The following AKAP7 variants were observed in gnomAD, a reference collection of about 807,000 sequenced individuals.
AKAP7 encodes A-kinase anchoring protein 7.
AKAP7 carries 39 observed loss-of-function variants against 39.5 expected under a neutral mutation model. That is an observed-to-expected ratio of 0.99 (90% CI 0.76 to 1.29). The LOEUF (loss-of-function observed/expected upper bound fraction) is 1.29. Among genes scored for constraint, AKAP7 ranks in the 50% most tolerant of loss-of-function variants. The pLI is 0.00. For synonymous variants in AKAP7, 140 were observed against 139.1 expected, an observed-to-expected ratio of 1.01 and a Z score of -0.05; for missense variants, 414 against 407.7, an observed-to-expected ratio of 1.02 and a Z score of -0.13.
intron 7 of AKAP7, among the ~76,000 whole-genome samples, chr6:131,276,028 C>G (rs1038351200): frequency 6.6e-6 from 1 of 152,090 alleles, no homozygotes; most frequent in Non-Finnish European, 1.5e-5. Context: ...CCTACCATCC[C>G]CAGTGTAAAA....
intron 3 of AKAP7, among the ~76,000 whole-genome samples, chr6:131,163,585 T>A (rs1803195368): frequency 6.6e-6 from 1 of 152,192 alleles, no homozygotes; most frequent in Admixed American, 6.5e-5. Flanking sequence ...AGAATTCCAC[T>A]GGTCTTTGAT....
intron 2 of AKAP7, among the ~76,000 whole-genome samples, chr6:131,152,138 T>C (rs1350199674): frequency 1.3e-5 from 2 of 152,358 alleles, no homozygotes; most frequent in East Asian, 3.9e-4. Context: ...GAAATCATTA[T>C]GAAAATTAAC....
At chr6:131,256,000 C>T (rs574275700) in intron 7 of AKAP7, among the ~76,000 whole-genome samples, 3 of 152,280 alleles carry the variant, frequency 2.0e-5, no homozygotes, top group South Asian at 2.1e-4. Flanking sequence ...AATAGATGCT[C>T]CCTGTCTCAT....
chr6:131,228,199 G>A (rs1810341160), intron 7 of AKAP7, among the ~76,000 whole-genome samples: 2 of 152,116 alleles, frequency 1.3e-5, no homozygotes, highest in African/African-American at 4.8e-5. Flanking sequence ...AGGCGTAGGA[G>A]GAGAAGGAAA....
At chr6:131,171,314 G>C (rs1298838732) in intron 5 of AKAP7, among the ~76,000 whole-genome samples, 1 of 152,196 alleles carries the variant, frequency 6.6e-6, no homozygotes, top group African/African-American at 2.4e-5. Flanking sequence ...GGAAGGAGAA[G>C]GGGGCGGATT....
chr6:131,278,368 A>G (rs1010308740), intron 7 of AKAP7, among the ~76,000 whole-genome samples: 7 of 152,246 alleles, frequency 4.6e-5, no homozygotes, highest in African/African-American at 1.2e-4. Flanking sequence ...GATCCTCAGT[A>G]CACAATTGTT....
intron 5 of AKAP7, among the ~76,000 whole-genome samples, chr6:131,172,194 C>G (rs1804126071): frequency 6.6e-6 from 1 of 152,012 alleles, no homozygotes; most frequent in South Asian, 2.1e-4. Context: ...ATACAAAAAC[C>G]TATAAATAAT....
At chr6:131,154,889 A>G (rs977013265) in intron 2 of AKAP7, among the ~76,000 whole-genome samples, 1 of 152,116 alleles carries the variant, frequency 6.6e-6, no homozygotes, top group African/African-American at 2.4e-5. Flanking sequence ...TTGTTGAAGA[A>G]ATCAGGTTGT....
intron 5 of AKAP7, among the ~76,000 whole-genome samples, chr6:131,176,469 C>T (rs1804592220): frequency 1.3e-5 from 2 of 151,922 alleles, no homozygotes. Context: ...TTCATTTTTT[C>T]AGCCATATAT....
intron 5 of AKAP7, among the ~76,000 whole-genome samples, chr6:131,194,149 C>CTT (rs147384879): frequency 6.6e-6 from 1 of 151,394 alleles, no homozygotes; most frequent in East Asian, 1.9e-4. Context: ...AAAAGTTTTG[C>CTT]TTTTTTTTGA....
intron 5 of AKAP7, among the ~76,000 whole-genome samples, chr6:131,195,127 C>CT (rs957866664): frequency 5.9e-5 from 9 of 151,366 alleles, no homozygotes; most frequent in African/African-American, 1.9e-4. Flanking sequence ...TTCTTCTTGC[C>CT]TTTTTTTTAG....
chr6:131,155,932 C>T (rs576689561), intron 2 of AKAP7, among the ~76,000 whole-genome samples: 1 of 152,258 alleles, frequency 6.6e-6, no homozygotes, highest in South Asian at 2.1e-4. Context: ...ATGCTCCAGA[C>T]CTGGAATCAG....
intron 7 of AKAP7, among the ~76,000 whole-genome samples, chr6:131,276,014 C>T (rs547731195): frequency 1.1e-3 from 162 of 152,250 alleles, no homozygotes; most frequent in Admixed American, 5.3e-3. Flanking sequence ...AGCTGCATTC[C>T]ACCCCTACCA....
chr6:131,128,682 C>T, the AKAP7 span, among the ~76,000 whole-genome samples: 12 of 151,928 alleles, frequency 7.9e-5, no homozygotes, highest in South Asian at 6.2e-4. Context: ...ATTAGCCAGG[C>T]GTGGTGGCGT....
chr6:131,188,751 C>CAA (rs1806120743), intron 5 of AKAP7, among the ~76,000 whole-genome samples: 1 of 149,662 alleles, frequency 6.7e-6, no homozygotes, highest in Non-Finnish European at 1.5e-5. Flanking sequence ...CAGGGTTTCA[C>CAA]CATGTTGCCC....
chr6:131,168,693 C>T (rs1041537715), intron 4 of AKAP7, among the ~76,000 whole-genome samples: 1 of 152,126 alleles, frequency 6.6e-6, no homozygotes, highest in Non-Finnish European at 1.5e-5. Context: ...GAGTGCCTCA[C>T]AAATATATGT....
chr6:131,189,714 T>G (rs577243685), intron 5 of AKAP7, among the ~76,000 whole-genome samples: 23 of 152,214 alleles, frequency 1.5e-4, no homozygotes, highest in Non-Finnish European at 2.9e-4. Context: ...AAATGTGTTG[T>G]TTCTCTATTA....
At chr6:131,204,527 A>G (rs1807907761) in intron 6 of AKAP7, among the ~76,000 whole-genome samples, 1 of 152,240 alleles carries the variant, frequency 6.6e-6, no homozygotes, top group Non-Finnish European at 1.5e-5. Context: ...GGCTTCCCAC[A>G]GTTACTCTCT....
At chr6:131,243,598 A>C (rs987316416) in intron 7 of AKAP7, among the ~76,000 whole-genome samples, 6 of 152,222 alleles carry the variant, frequency 3.9e-5, no homozygotes, top group Non-Finnish European at 7.3e-5. Context: ...TAATAATAAT[A>C]TATTGAGTTA....
Sources: gnomAD v4.1 joint callset for allele counts (sites outside exome capture counted in the v4.1 genomes callset) on GRCh38, gnomAD v4.1.1 for gene constraint, MANE v1.5 for transcripts, NCBI Gene and HGNC (gene_info 2026-07-23, HGNC 2026-07-21) for gene names.